ARSG: variants seen among roughly 807,000 people sequenced by gnomAD.
ARSG encodes the protein arylsulfatase G.
Under a neutral mutation model 50.5 loss-of-function variants are expected in ARSG, and 37 were observed. That is an observed-to-expected ratio of 0.73 (90% confidence interval 0.56 to 0.96). ARSG has a LOEUF of 0.96. ARSG is among the 50% of genes least tolerant of loss of function. ARSG has a pLI of 0.00. For synonymous variants in ARSG, 225 were observed against 254.6 expected (o/e 0.88, Z 1.11); for missense variants, 629 against 675.3 (o/e 0.93, Z 0.76).
At chr17:68,306,471 G>A (rs2076614245) in intron 1 of ARSG, among the ~76,000 whole-genome samples, 1 of 152,224 alleles carries the variant, frequency 6.6e-6, no homozygotes, top group African/African-American at 2.4e-5. Flanking sequence ...GCAAGAGGAT[G>A]ACTTGAGCCA....
rs565049928 is a variant in ARSG at position 68,299,236 on chromosome 17, C to T, written c.-552+7668C>T. On this transcript the variant is annotated intron_variant, in intron 1 of 11. Transcript: ENST00000621439. ...TCTCCTGCCTCAGCCTCCTGAGTAGCCAGGATTACAGGCGCCCACCACCAC... is the reference window on the plus strand; with the variant it reads ...TCTCCTGCCTCAGCCTCCTGAGTAGTCAGGATTACAGGCGCCCACCACCAC... 4.6e-5 allele frequency among the ~76,000 whole-genome samples: 7 copies of T among 151,342 alleles called. No homozygotes were observed. In the Admixed American group the frequency reaches 4.6e-4, roughly 10 times the overall value.
At chr17:68,437,195 A>G in the ARSG span, among the ~76,000 whole-genome samples, 2 of 152,060 alleles carry the variant, frequency 1.3e-5, no homozygotes, top group Non-Finnish European at 2.9e-5. Flanking sequence ...TCTGCAGATG[A>G]TTATATACTG....
intron 1 of ARSG, among the ~76,000 whole-genome samples, chr17:68,273,060 G>T (rs570618570): frequency 6.6e-6 from 1 of 151,258 alleles, no homozygotes; most frequent in South Asian, 2.1e-4. Flanking sequence ...ATTATTGCAT[G>T]AAATTTTATA....
At chr17:68,404,809 T>C (rs1288375583) in intron 11 of ARSG, among the ~76,000 whole-genome samples, 1 of 152,196 alleles carries the variant, frequency 6.6e-6, no homozygotes, top group African/African-American at 2.4e-5. Context: ...AGAGTGTTAG[T>C]ATTTTAGGTC....
At chr17:68,351,443 C>T in intron 4 of ARSG, 132 bp from the exon 5 acceptor site, 1 of 582,668 alleles carries the variant, frequency 1.7e-6, no homozygotes, top group Non-Finnish European at 3.2e-6. Context: ...TAATCAAATC[C>T]TCTTATAATT....
At chr17:68,427,004 GA>G, downstream of ARSG, 1 of 729,104 alleles carries the variant, frequency 1.4e-6, no homozygotes, top group Non-Finnish European at 2.3e-6. Flanking sequence ...AGGTAACAGT[GA>G]AGGGGGAAGG....
chr17:68,292,109 G>A (rs576070807), intron 1 of ARSG, among the ~76,000 whole-genome samples: 40 of 152,246 alleles, frequency 2.6e-4, no homozygotes, highest in African/African-American at 9.4e-4. Flanking sequence ...GAGCGGCCGG[G>A]CCGCTGCGGG....
intron 6 of ARSG, among the ~76,000 whole-genome samples, chr17:68,357,223 G>T (rs2079073070): frequency 6.6e-6 from 1 of 152,194 alleles, no homozygotes; most frequent in Non-Finnish European, 1.5e-5. Flanking sequence ...TAATTTAGTA[G>T]CTAAAACAAC....
chr17:68,430,241 T>A, the ARSG span: 1 of 1,399,544 alleles, frequency 7.1e-7, no homozygotes, highest in Middle Eastern at 2.6e-4. Flanking sequence ...CCAAGCGTCA[T>A]TAGCCACACT....
intron 8 of ARSG, among the ~76,000 whole-genome samples, chr17:68,374,322 C>T (rs184803116): frequency 6.9e-5 from 10 of 144,490 alleles, no homozygotes; most frequent in Non-Finnish European, 1.4e-4. Context: ...AGCCTGGTGT[C>T]AGAAGCCCCA....
downstream of ARSG, chr17:68,421,832 A>C (rs938892205): frequency 1.2e-6 from 2 of 1,614,210 alleles, no homozygotes; most frequent in Non-Finnish European, 8.5e-7. Context: ...TACCAAAATC[A>C]AAACAGAATG....
At chr17:68,337,001 TAGTG>T (rs2078053293) in intron 2 of ARSG, among the ~76,000 whole-genome samples, 1 of 152,078 alleles carries the variant, frequency 6.6e-6, no homozygotes, top group African/African-American at 2.4e-5. Context: ...GAGGCCGTGA[TAGTG>T]GGTGGAAGAG....
At chr17:68,281,992 C>T (rs1460225961) in intron 1 of ARSG, among the ~76,000 whole-genome samples, 1 of 152,164 alleles carries the variant, frequency 6.6e-6, no homozygotes, top group African/African-American at 2.4e-5. Context: ...CCAGCCATCC[C>T]ATTACTGGGT....
intron 9 of ARSG, among the ~76,000 whole-genome samples, chr17:68,394,309 A>C (rs922530712): frequency 6.6e-5 from 10 of 152,188 alleles, no homozygotes; most frequent in African/African-American, 2.4e-4. Context: ...ACATGAACAG[A>C]AACGTGTTCT....
rs544841594 is a variant in ARSG at position 68,262,196 on chromosome 17, G to A, written c.-552+2770G>A. On this transcript the variant is annotated intron_variant, in intron 1 of 11. Coordinates refer to the ARSG transcript ENST00000448504. ...AAAAAAAAAAAAAAGAAAGGGCCGG[G>A]CGTAGTGGCTCACGCCTGAATTCCC... 6.3e-4 allele frequency among the ~76,000 whole-genome samples: 96 copies of A among 151,894 alleles called. 1 individual carries two copies. Among genetic ancestry groups the A allele is most frequent in the African/African-American group, 2.3e-3 (95 of 41,394 alleles).
At chr17:68,376,623 T>C (rs1172996882) in intron 8 of ARSG, among the ~76,000 whole-genome samples, 1 of 151,968 alleles carries the variant, frequency 6.6e-6, no homozygotes, top group African/African-American at 2.4e-5. Context: ...TATATTTATT[T>C]TATTTAACCC....
chr17:68,450,160 C>T, the ARSG span, among the ~76,000 whole-genome samples: 2 of 71,340 alleles, frequency 2.8e-5, no homozygotes, highest in South Asian at 1.1e-3. Flanking sequence ...AAAGAAAATG[C>T]TACAAAAAAA....
rs1324111057 is a variant in ARSG, at chr17:68,378,265, G to A, written c.983-6799G>A. On this transcript the variant is annotated intron_variant, in intron 8 of 11. Transcript: ENST00000621439. The surrounding 1 kb of genome is among the most constrained non-coding windows in gnomAD (Gnocchi z 4.4). ...AGAAGGCGGTCAATGTTTTCGCAAC[G>A]GAGTAGGACAAACAGTACCCGGAGT... 6.6e-6 allele frequency among the ~76,000 whole-genome samples: 1 copy of A among 152,240 alleles called. No individual in the cohort carries two copies. Among genetic ancestry groups the A allele is most frequent in the African/African-American group, 2.4e-5 (1 of 41,466 alleles).
chr17:68,276,693 A>G (rs1246465748), intron 1 of ARSG, among the ~76,000 whole-genome samples: 1 of 152,156 alleles, frequency 6.6e-6, no homozygotes, highest in African/African-American at 2.4e-5. Flanking sequence ...GGCTCAAGCA[A>G]TCCTTTCATC....
Sources: allele counts gnomAD v4.1 joint callset (sites outside exome capture counted in the v4.1 genomes callset), GRCh38; gene constraint gnomAD v4.1.1; non-coding constraint Gnocchi (gnomAD v3.1); transcripts MANE v1.5; gene names NCBI Gene and HGNC (gene_info 2026-07-23, HGNC 2026-07-21).